The following CHCHD6 variants were observed in gnomAD, a reference collection of about 807,000 sequenced individuals.
CHCHD6 encodes MICOS complex subunit MIC25.
CHCHD6 carries 28 observed loss-of-function variants against 32.3 expected under a neutral mutation model. That is an observed-to-expected ratio of 0.87 (90% CI 0.64 to 1.19). The LOEUF is 1.19. Among genes scored for constraint, CHCHD6 ranks in the 50% most tolerant of loss-of-function variants. The pLI is 0.00. For synonymous variants in CHCHD6, 122 were observed against 117.5 expected (o/e 1.04, Z -0.25); for missense variants, 333 against 307.0 (o/e 1.08, Z -0.63).
intron 4 of CHCHD6, among the ~76,000 whole-genome samples, chr3:126,742,456 A>G (rs190084523): frequency 2.0e-4 from 31 of 152,258 alleles, no homozygotes; most frequent in African/African-American, 7.2e-4. Context: ...GTGCATTGTG[A>G]TGGTATCCTT....
chr3:126,738,011 A>T (rs932260493), intron 4 of CHCHD6, among the ~76,000 whole-genome samples: 6 of 152,206 alleles, frequency 3.9e-5, no homozygotes, highest in Admixed American at 6.5e-5. Flanking sequence ...AAATCCTCCC[A>T]CTGAAGATTT....
chr3:126,706,213 T>C (rs1301259718), intron 1 of CHCHD6, among the ~76,000 whole-genome samples: 1 of 152,170 alleles, frequency 6.6e-6, no homozygotes, highest in African/African-American at 2.4e-5. Context: ...TTCAAGTTGA[T>C]TGGAAACCTC....
rs532086633 is a variant in CHCHD6, at chr3:126,805,964, A to T, written c.412-46683A>T. 1.3e-4 allele frequency among the ~76,000 whole-genome samples: 20 copies of T among 152,248 alleles called. No homozygotes were observed. In the East Asian group the frequency reaches 2.7e-3, roughly 21 times the overall value. ...AAGCAATGGGGAAAGGATTCCCTAT[A>T]TAATAAATGGTGCTGGGAAAACTGG... On this transcript the variant is annotated intron_variant, in intron 4 of 7. Coordinates refer to ENST00000290913, the MANE Select transcript of CHCHD6 (RefSeq NM_032343.3).
chr3:126,862,512 C>CCT (rs1941962247), intron 5 of CHCHD6, among the ~76,000 whole-genome samples: 1 of 138,592 alleles, frequency 7.2e-6, no homozygotes, highest in Non-Finnish European at 1.6e-5. Flanking sequence ...CCCCCTCCTC[C>CCT]ACCATCACCA....
intron 4 of CHCHD6, among the ~76,000 whole-genome samples, chr3:126,734,542 A>G (rs1223248950): frequency 6.6e-6 from 1 of 152,216 alleles, no homozygotes; most frequent in Non-Finnish European, 1.5e-5. Flanking sequence ...GTAGGCACAT[A>G]AATGCACTTT....
chr3:126,736,732 C>T (rs1026623603), intron 4 of CHCHD6, among the ~76,000 whole-genome samples: 1 of 152,106 alleles, frequency 6.6e-6, no homozygotes, highest in Non-Finnish European at 1.5e-5. Context: ...TGGTGGTGCC[C>T]TGGTTCTGGT....
chr3:126,845,972 T>A lies in CHCHD6; in HGVS notation c.412-6675T>A, dbSNP rs1346612530. 2.0e-5 allele frequency among the ~76,000 whole-genome samples: 3 copies of A among 152,178 alleles called. No homozygotes were observed. In the East Asian group the frequency reaches 5.8e-4, roughly 29 times the overall value. On this transcript the variant is annotated intron_variant, in intron 4 of 7. Transcript: ENST00000290913. Reference sequence around the variant, plus strand: ...GAGCATTTGTTCAAGAAAAAATGAATGACTCTGAGTAAGAAAAGTGAGCTT... The same window carrying A: ...GAGCATTTGTTCAAGAAAAAATGAAAGACTCTGAGTAAGAAAAGTGAGCTT...
At chr3:126,766,980 G>T in intron 4 of CHCHD6, 1 of 905,338 alleles carries the variant, frequency 1.1e-6, no homozygotes, top group Non-Finnish European at 1.8e-6. Flanking sequence ...TGTGGTTAGC[G>T]CCACAGGCTA....
At chr3:126,863,365 A>C (rs1576517035) in intron 5 of CHCHD6, among the ~76,000 whole-genome samples, 2 of 98,292 alleles carry the variant, frequency 2.0e-5, no homozygotes, top group Non-Finnish European at 2.0e-5. Context: ...TACCATCACC[A>C]CCTCCTCCTC....
chr3:126,783,820 A>G (rs956089948), intron 4 of CHCHD6, among the ~76,000 whole-genome samples: 2 of 152,060 alleles, frequency 1.3e-5, no homozygotes, highest in African/African-American at 4.8e-5. Context: ...GGCCATGATC[A>G]GGCATGCAGG....
intron 6 of CHCHD6, 80 bp from the exon 7 acceptor site, chr3:126,957,336 G>C: frequency 6.6e-7 from 1 of 1,514,978 alleles, no homozygotes; most frequent in Admixed American, 1.8e-5. Flanking sequence ...CTGGGAGGTA[G>C]GTGGAGTGAA....
intron 4 of CHCHD6, among the ~76,000 whole-genome samples, chr3:126,826,792 T>C (rs190318567): frequency 6.6e-6 from 1 of 152,286 alleles, no homozygotes; most frequent in East Asian, 1.9e-4. Flanking sequence ...TAAGGCCTCC[T>C]TTTTGGCATG....
intron 6 of CHCHD6, among the ~76,000 whole-genome samples, chr3:126,937,058 G>C (rs147748908): frequency 2.0e-5 from 3 of 152,376 alleles, no homozygotes; most frequent in South Asian, 4.1e-4. Context: ...CATGTGGGTA[G>C]AGAGCTGGGC....
chr3:126,894,915 A>G (rs1380023247), intron 5 of CHCHD6, among the ~76,000 whole-genome samples: 1 of 152,222 alleles, frequency 6.6e-6, no homozygotes. Flanking sequence ...ATGGTAAAAC[A>G]TTTAAGTCAA....
intron 4 of CHCHD6, among the ~76,000 whole-genome samples, chr3:126,794,236 G>A (rs970032184): frequency 4.0e-5 from 6 of 150,554 alleles, no homozygotes; most frequent in Non-Finnish European, 8.9e-5. Flanking sequence ...TTTGCATTTT[G>A]TGTTTTCCCC....
At chr3:126,768,505 G>A (rs1346162854) in intron 4 of CHCHD6, among the ~76,000 whole-genome samples, 1 of 152,132 alleles carries the variant, frequency 6.6e-6, no homozygotes, top group Non-Finnish European at 1.5e-5. Context: ...TTTCTTTATA[G>A]CTGTGCAAGA....
At chr3:126,846,038 T>C (rs986883235) in intron 4 of CHCHD6, among the ~76,000 whole-genome samples, 1 of 152,194 alleles carries the variant, frequency 6.6e-6, no homozygotes, top group African/African-American at 2.4e-5. Flanking sequence ...CTGTTTCCCC[T>C]GCAGCACCAC....
intron 4 of CHCHD6, among the ~76,000 whole-genome samples, chr3:126,780,060 A>G (rs1937858287): frequency 6.6e-6 from 1 of 152,226 alleles, no homozygotes; most frequent in African/African-American, 2.4e-5. Flanking sequence ...TACTGTAGTA[A>G]GCAAATCGTA....
intron 4 of CHCHD6, among the ~76,000 whole-genome samples, chr3:126,751,698 C>A (rs1936729155): frequency 6.6e-6 from 1 of 152,206 alleles, no homozygotes; most frequent in South Asian, 2.1e-4. Context: ...GAGGCTGCCG[C>A]AGCATGGTGT....
Sources: allele counts gnomAD v4.1 joint callset (sites outside exome capture counted in the v4.1 genomes callset), GRCh38; gene constraint gnomAD v4.1.1; transcripts MANE v1.5; gene names NCBI Gene and HGNC (gene_info 2026-07-23, HGNC 2026-07-21).